CCDC6: variants seen among roughly 807,000 people sequenced by gnomAD.
CCDC6 encodes coiled-coil domain containing 6, also known as coiled-coil domain-containing protein 6.
A neutral mutation model predicts 56.6 loss-of-function variants in CCDC6; 20 were observed. That is an observed-to-expected ratio of 0.35 (90% CI 0.25 to 0.51). The LOEUF is 0.51. CCDC6 is among the 20% of genes least tolerant of loss of function. CCDC6 has a pLI of 0.95. For missense variants in CCDC6, 367 were observed against 601.1 expected (o/e 0.61, Z 4.07); for synonymous variants, 241 against 234.4 (o/e 1.03, Z -0.26).
chr10:59,904,176 G>A (rs764750095), intron 1 of CCDC6, among the ~76,000 whole-genome samples: 23 of 78,060 alleles, frequency 2.9e-4, no homozygotes, highest in Admixed American at 2.3e-3. Flanking sequence ...AAGTATATTC[G>A]GTTGGATGTC....
At chr10:59,878,069 T>C (rs2071300148) in intron 1 of CCDC6, among the ~76,000 whole-genome samples, 1 of 152,372 alleles carries the variant, frequency 6.6e-6, no homozygotes, top group African/African-American at 2.4e-5. Flanking sequence ...AATGGCCATA[T>C]ACTGTGTTTA....
At chr10:59,826,920 G>A (rs1457600674) in intron 3 of CCDC6, among the ~76,000 whole-genome samples, 2 of 152,226 alleles carry the variant, frequency 1.3e-5, no homozygotes, top group Non-Finnish European at 2.9e-5. Context: ...TAACAGATTA[G>A]AGTCACCAGG....
chr10:59,822,207 T>C (rs2132637485), intron 3 of CCDC6, among the ~76,000 whole-genome samples: 1 of 152,348 alleles, frequency 6.6e-6, no homozygotes, highest in African/African-American at 2.4e-5. Flanking sequence ...TCTTTGAAAC[T>C]GACATAATTT....
intron 2 of CCDC6, among the ~76,000 whole-genome samples, chr10:59,851,981 C>T (rs949327781): frequency 6.6e-5 from 10 of 152,052 alleles, no homozygotes; most frequent in Non-Finnish European, 1.3e-4. Context: ...TCAAACCTTC[C>T]TATATGTTTT....
intron 7 of CCDC6, among the ~76,000 whole-genome samples, chr10:59,798,742 C>T (rs761656945): frequency 6.6e-6 from 1 of 152,058 alleles, no homozygotes; most frequent in Admixed American, 6.6e-5. Context: ...CGCCTGTAAT[C>T]CCACCACTTT....
intron 2 of CCDC6, among the ~76,000 whole-genome samples, chr10:59,835,113 A>G (rs894400640): frequency 4.6e-5 from 7 of 152,238 alleles, no homozygotes; most frequent in Admixed American, 2.0e-4. Context: ...CTATTTGCAT[A>G]GCTTTTTTAA....
At chr10:59,845,000 G>T (rs2070979124) in intron 2 of CCDC6, among the ~76,000 whole-genome samples, 1 of 152,184 alleles carries the variant, frequency 6.6e-6, no homozygotes, top group South Asian at 2.1e-4. Flanking sequence ...AGTAATTACT[G>T]ACTGGGCTGA....
At chr10:59,831,930 C>G (rs1268775730) in intron 3 of CCDC6, among the ~76,000 whole-genome samples, 1 of 152,186 alleles carries the variant, frequency 6.6e-6, no homozygotes, top group African/African-American at 2.4e-5. Flanking sequence ...TTTGCCATTT[C>G]TGGTTTTAGT....
chr10:59,810,055 G>T (rs2070660055), intron 5 of CCDC6, among the ~76,000 whole-genome samples: 2 of 152,266 alleles, frequency 1.3e-5, no homozygotes, highest in South Asian at 4.1e-4. Context: ...GAATTCCAAG[G>T]ATGAGTCCTA....
intron 1 of CCDC6, among the ~76,000 whole-genome samples, chr10:59,870,092 T>A (rs541742829): frequency 1.3e-5 from 2 of 152,308 alleles, no homozygotes; most frequent in East Asian, 3.9e-4. Flanking sequence ...CACAGAGATA[T>A]CTTTTTACTG....
intron 1 of CCDC6, among the ~76,000 whole-genome samples, chr10:59,903,459 AT>A (rs766090988): frequency 2.0e-5 from 3 of 152,206 alleles, no homozygotes; most frequent in East Asian, 1.9e-4. Context: ...CTCTAAAAAA[AT>A]AAAGTCTATT....
chr10:59,880,337 T>G (rs1329133893), intron 1 of CCDC6, among the ~76,000 whole-genome samples: 1 of 152,184 alleles, frequency 6.6e-6, no homozygotes, highest in Non-Finnish European at 1.5e-5. Context: ...AAATGGTTTT[T>G]CTGGACACTC....
chr10:59,825,222 G>A (rs1261132209), intron 3 of CCDC6, among the ~76,000 whole-genome samples: 3 of 152,168 alleles, frequency 2.0e-5, no homozygotes, highest in African/African-American at 7.2e-5. Context: ...GGGAACTGGT[G>A]GGAGATAATT....
At chr10:59,872,048 C>T (rs949385196) in intron 1 of CCDC6, among the ~76,000 whole-genome samples, 3 of 152,164 alleles carry the variant, frequency 2.0e-5, no homozygotes, top group African/African-American at 7.2e-5. Context: ...CCCTTGTAAC[C>T]TCTGTGCTTA....
At chr10:59,825,367 C>T (rs188224627) in intron 3 of CCDC6, among the ~76,000 whole-genome samples, 86 of 152,306 alleles carry the variant, frequency 5.6e-4, no homozygotes, top group Non-Finnish European at 1.1e-3. Context: ...CCATGTAAGA[C>T]GGGACATGCT....
intron 7 of CCDC6, 42 bp from the exon 8 acceptor site, chr10:59,794,639 T>C: frequency 1.9e-6 from 3 of 1,592,076 alleles, no homozygotes; most frequent in Non-Finnish European, 2.6e-6. Flanking sequence ...TAAGCTCAAC[T>C]ATCTGGTGTC....
chr10:59,879,046 G>T (rs2440907), intron 1 of CCDC6, among the ~76,000 whole-genome samples: 67,429 of 151,858 alleles, frequency 0.44, 15,566 homozygotes, highest in East Asian at 0.64. Flanking sequence ...TTTCACAAGG[G>T]ACCATTAAGA....
At chr10:59,804,769 G>GA (rs2070606404) in intron 6 of CCDC6, 1 of 429,436 alleles carries the variant, frequency 2.3e-6, no homozygotes, top group Non-Finnish European at 4.3e-6. Context: ...GAAGCCAGGT[G>GA]AAAGAGGTGC....
chr10:59,810,975 T>A (rs1379789413), intron 5 of CCDC6, among the ~76,000 whole-genome samples: 1 of 150,832 alleles, frequency 6.6e-6, no homozygotes, highest in Non-Finnish European at 1.5e-5. Flanking sequence ...GAGGCAGAGG[T>A]GGGGTGGTAC....
Sources: gnomAD v4.1 joint callset for allele counts (sites outside exome capture counted in the v4.1 genomes callset) on GRCh38, gnomAD v4.1.1 for gene constraint, MANE v1.5 for transcripts, NCBI Gene and HGNC (gene_info 2026-07-23, HGNC 2026-07-21) for gene names.